The following KCNH8 variants were observed in gnomAD, a reference collection of about 807,000 sequenced individuals.
KCNH8 encodes potassium voltage-gated channel subfamily H member 8, also known as voltage-gated delayed rectifier potassium channel KCNH8.
In KCNH8, 70 loss-of-function variants were observed where a neutral mutation model predicts 103.6. That is an observed-to-expected ratio of 0.68 (90% CI 0.56 to 0.82). The LOEUF is 0.82. Ranked by LOEUF, KCNH8 falls within the 40% of genes least tolerant of loss-of-function variation. The pLI, the probability that KCNH8 is intolerant of heterozygous loss-of-function variation, is 0.00. For synonymous variants in KCNH8, 498 were observed against 489.4 expected, an observed-to-expected ratio of 1.02 and a Z score of -0.23; for missense variants, 1,217 against 1,329.9, an observed-to-expected ratio of 0.92 and a Z score of 1.32.
intron 1 of KCNH8, among the ~76,000 whole-genome samples, chr3:19,170,764 A>G (rs1430344083): frequency 7.0e-6 from 1 of 142,054 alleles, no homozygotes; most frequent in Admixed American, 7.0e-5. Flanking sequence ...ATATATACAC[A>G]CATATATATA....
intron 11 of KCNH8, among the ~76,000 whole-genome samples, chr3:19,460,469 A>T (rs941330018): frequency 6.6e-6 from 1 of 152,124 alleles, no homozygotes; most frequent in African/African-American, 2.4e-5. Context: ...TCTCTCTGGT[A>T]TTATATTCCT....
chr3:19,293,319 C>T (rs1255614096), intron 3 of KCNH8, among the ~76,000 whole-genome samples: 1 of 151,974 alleles, frequency 6.6e-6, no homozygotes, highest in Non-Finnish European at 1.5e-5. Flanking sequence ...GAAAGGTGGG[C>T]TTATCTCCGT....
chr3:19,458,959 A>G (rs2067577798), intron 11 of KCNH8, among the ~76,000 whole-genome samples: 1 of 151,982 alleles, frequency 6.6e-6, no homozygotes, highest in Non-Finnish European at 1.5e-5. Flanking sequence ...ATAGTATTTC[A>G]TTGTGTATGT....
intron 1 of KCNH8, among the ~76,000 whole-genome samples, chr3:19,179,553 G>A (rs1360017809): frequency 1.3e-5 from 2 of 152,102 alleles, no homozygotes; most frequent in Admixed American, 6.5e-5. Context: ...AACAAATTTT[G>A]TGAGAAAGAG....
chr3:19,308,650 G>GTC (rs1163604706), intron 3 of KCNH8, among the ~76,000 whole-genome samples: 1 of 51,368 alleles, frequency 1.9e-5, no homozygotes, highest in Non-Finnish European at 3.6e-5. Context: ...GAATGTTGGG[G>GTC]TCTCTCTCTC....
intron 3 of KCNH8, among the ~76,000 whole-genome samples, chr3:19,307,834 T>C (rs2065149856): frequency 6.6e-6 from 1 of 151,698 alleles, no homozygotes; most frequent in African/African-American, 2.4e-5. Context: ...ATATGGAAGC[T>C]AAAAAAAGTT....
intron 2 of KCNH8, among the ~76,000 whole-genome samples, chr3:19,254,805 A>G (rs1269309812): frequency 1.3e-5 from 2 of 152,276 alleles, no homozygotes; most frequent in East Asian, 1.9e-4. Context: ...AATATTTCCC[A>G]GCATTCTTTG....
At chr3:19,422,229 A>T (rs1004296211) in intron 7 of KCNH8, among the ~76,000 whole-genome samples, 1 of 152,144 alleles carries the variant, frequency 6.6e-6, no homozygotes, top group South Asian at 2.1e-4. Context: ...TGTACAGATC[A>T]TGGTATTTTA....
intron 1 of KCNH8, among the ~76,000 whole-genome samples, chr3:19,218,120 A>G (rs2063835285): frequency 6.6e-6 from 1 of 152,202 alleles, no homozygotes; most frequent in African/African-American, 2.4e-5. Context: ...TACTCAGCAC[A>G]AATAGAAGAC....
chr3:19,472,778 G>A (rs1471493726), intron 11 of KCNH8, among the ~76,000 whole-genome samples: 3 of 152,130 alleles, frequency 2.0e-5, no homozygotes, highest in Non-Finnish European at 4.4e-5. Flanking sequence ...TTTGCAGAGA[G>A]GACATTCACA....
Position 19,533,908 on chromosome 3 carries a change from G to A in KCNH8, c.3133G>A (p.Val1045Ile), listed in dbSNP as rs770606068. ...CSSSETSLHL[V>I]LPSRSEEGSF... is the part of the protein sequence containing the mutation. ...CTCTTCGGAAACATCTTTGCACCTAGTTCTCCCAAGCAGATCAGAGGAGGG... is the reference window on the plus strand; with the variant it reads ...CTCTTCGGAAACATCTTTGCACCTAATTCTCCCAAGCAGATCAGAGGAGGG... Residue 1045 changes from valine to isoleucine, a missense_variant, in exon 16 of 16, where the codon GTT becomes ATT. Val to Ile is a conservative substitution (Grantham distance 29). This residue lies in a region of KCNH8 where 558 missense variants were observed against 495.8 expected (regional missense o/e 1.13). Coordinates refer to ENST00000328405, the MANE Select transcript of KCNH8 (RefSeq NM_144633.3). 5.0e-6 allele frequency: 8 copies of A among 1,614,126 alleles called. No homozygotes were observed. The South Asian group carries it at 7.7e-5, about 16-fold the overall frequency.
At chr3:19,343,119 A>G (rs961206094) in intron 4 of KCNH8, among the ~76,000 whole-genome samples, 2 of 152,102 alleles carry the variant, frequency 1.3e-5, no homozygotes, top group Admixed American at 6.6e-5. Flanking sequence ...TAGTTCTACA[A>G]ATGCTTTTAT....
At chr3:19,384,392 C>G (rs2066328267) in intron 5 of KCNH8, among the ~76,000 whole-genome samples, 1 of 152,146 alleles carries the variant, frequency 6.6e-6, no homozygotes, top group South Asian at 2.1e-4. Context: ...TTTTGTGATA[C>G]TTAAGTATAT....
At chr3:19,332,068 T>TTC (rs1553638573) in intron 3 of KCNH8, among the ~76,000 whole-genome samples, 1 of 151,928 alleles carries the variant, frequency 6.6e-6, no homozygotes, top group Non-Finnish European at 1.5e-5. Flanking sequence ...TTTTTTTTTT[T>TTC]CACATACACT....
intron 1 of KCNH8, among the ~76,000 whole-genome samples, chr3:19,242,561 C>T (rs1271407961): frequency 2.0e-5 from 3 of 152,080 alleles, no homozygotes; most frequent in African/African-American, 7.2e-5. Flanking sequence ...GAAGGGAATT[C>T]CCCCTCTCCC....
intron 3 of KCNH8, among the ~76,000 whole-genome samples, chr3:19,297,806 C>G (rs2065015165): frequency 6.6e-6 from 1 of 152,174 alleles, no homozygotes; most frequent in African/African-American, 2.4e-5. Flanking sequence ...TGTCTTCAGT[C>G]AAGTGATTTC....
chr3:19,450,316 T>A lies in KCNH8; in HGVS notation c.1575+11T>A. 6.2e-7 allele frequency: 1 copy of A among 1,601,772 alleles called. No homozygotes were observed. ...ATAGATTCAAATGAGGTAATGTTCA[T>A]TTCTCATGTTGTTTTCAGGCAGAAA... On this transcript the variant is annotated intron_variant, in intron 9 of 15. Coordinates refer to ENST00000328405, the MANE Select transcript of KCNH8 (RefSeq NM_144633.3).
At chr3:19,407,104 G>A (rs567436260) in intron 7 of KCNH8, among the ~76,000 whole-genome samples, 4 of 152,104 alleles carry the variant, frequency 2.6e-5, no homozygotes, top group Admixed American at 2.6e-4. Flanking sequence ...CCTGATATAT[G>A]TCTTTTTAAA....
intron 1 of KCNH8, among the ~76,000 whole-genome samples, chr3:19,180,258 GGCCCTTCAAAGGGCCAAGACAGACT>G (rs2063438406): frequency 1.2e-4 from 1 of 8,018 alleles, no homozygotes; most frequent in Non-Finnish European, 3.4e-4. Flanking sequence ...AGACAGACTT[GGCCCTTCAAAGGGCCAAGACAGACT>G]TGGCCCTTCA....
Sources: allele counts gnomAD v4.1 joint callset (sites outside exome capture counted in the v4.1 genomes callset), GRCh38; gene constraint gnomAD v4.1.1; regional missense constraint gnomAD v4.1.1; transcripts MANE v1.5; gene names NCBI Gene and HGNC (gene_info 2026-07-23, HGNC 2026-07-21).